ERBB4: variants seen among roughly 807,000 people sequenced by gnomAD.
ERBB4 encodes the protein erb-b2 receptor tyrosine kinase 4, also known as receptor tyrosine-protein kinase erbB-4.
Under a neutral mutation model 158.0 loss-of-function variants are expected in ERBB4, and 42 were observed. The ratio of observed to expected loss-of-function variants is 0.27; its 90% CI spans 0.21 to 0.34. The LOEUF is 0.34. Ranked by LOEUF, ERBB4 falls within the 10% of genes least tolerant of loss-of-function variation. The pLI, the probability that ERBB4 is intolerant of heterozygous loss-of-function variation, is 1.00. For synonymous variants in ERBB4, 583 were observed against 558.7 expected (o/e 1.04, Z -0.61); for missense variants, 1,333 against 1,624.1 (o/e 0.82, Z 3.08).
chr2:211,688,577 T>C (rs950776294), intron 12 of ERBB4, among the ~76,000 whole-genome samples: 20 of 152,180 alleles, frequency 1.3e-4, no homozygotes, highest in Non-Finnish European at 8.8e-5. Flanking sequence ...TGAGGCAGGG[T>C]AAATTCGATC....
chr2:211,413,613 T>C (rs1215643551), intron 25 of ERBB4, among the ~76,000 whole-genome samples: 1 of 152,068 alleles, frequency 6.6e-6, no homozygotes. Context: ...ATCACAAAAT[T>C]CTCGCACTAT....
At chr2:211,408,959 G>C (rs991758857) in intron 25 of ERBB4, among the ~76,000 whole-genome samples, 4 of 152,172 alleles carry the variant, frequency 2.6e-5, no homozygotes, top group Admixed American at 6.5e-5. Flanking sequence ...AGGATGTAAA[G>C]GGGACAGGAT....
chr2:212,334,130 T>C (rs2088316253), intron 1 of ERBB4, among the ~76,000 whole-genome samples: 1 of 152,022 alleles, frequency 6.6e-6, no homozygotes, highest in East Asian at 1.9e-4. Context: ...CTTTTTGAGG[T>C]TCTCTAAGTG....
intron 1 of ERBB4, among the ~76,000 whole-genome samples, chr2:212,473,171 C>T (rs978845084): frequency 1.3e-5 from 2 of 151,782 alleles, no homozygotes; most frequent in South Asian, 2.1e-4. Flanking sequence ...ATTAACATTG[C>T]TAATTAATTT....
intron 1 of ERBB4, among the ~76,000 whole-genome samples, chr2:212,368,423 AG>A (rs1384399721): frequency 6.6e-6 from 1 of 152,102 alleles, no homozygotes; most frequent in South Asian, 2.1e-4. Flanking sequence ...TGGGGATTTG[AG>A]GGGAAGAGTG....
At chr2:211,806,947 C>G (rs759737432) in intron 3 of ERBB4, among the ~76,000 whole-genome samples, 3 of 151,918 alleles carry the variant, frequency 2.0e-5, no homozygotes, top group African/African-American at 4.8e-5. Flanking sequence ...AAGATAGTAT[C>G]TTTAAACAAT....
At chr2:211,503,399 C>T (rs915815342) in intron 20 of ERBB4, among the ~76,000 whole-genome samples, 2 of 152,130 alleles carry the variant, frequency 1.3e-5, no homozygotes, top group Non-Finnish European at 2.9e-5. Context: ...AGCATCTGAA[C>T]CACATGTCCC....
chr2:212,504,516 G>A (rs142967447), intron 1 of ERBB4, among the ~76,000 whole-genome samples: 23 of 151,830 alleles, frequency 1.5e-4, no homozygotes, highest in Admixed American at 9.8e-4. Context: ...AAAAATTTTC[G>A]TTAATCTCAA....
chr2:212,275,650 C>T (rs897882510), intron 1 of ERBB4, among the ~76,000 whole-genome samples: 9 of 151,742 alleles, frequency 5.9e-5, no homozygotes, highest in African/African-American at 1.9e-4. Context: ...TACCACCAGG[C>T]CTGCCTTACA....
rs1289996195 is a variant in ERBB4, at chr2:211,679,184, G to C, written c.1490C>G (p.Thr497Ser). ...ATGGTTGCACACCATTCCTTCAGCAGCTGTGAAACACCAAAATCAAGGGGA... is the reference window on the plus strand; with the variant it reads ...ATGGTTGCACACCATTCCTTCAGCACCTGTGAAACACCAAAATCAAGGGGA... Reference protein sequence around the residue: ...IRDNRKAENCTAEGMVCNHLC... With the variant: ...IRDNRKAENCSAEGMVCNHLC... Residue 497 changes from threonine (T) to serine (S), a missense_variant and splice_region_variant, in exon 13 of 28, where the codon ACT becomes AGT. This residue lies in a region of ERBB4 where 245 missense variants were observed against 247.5 expected (regional missense o/e 0.99). Transcript: ENST00000342788. 6.2e-7 allele frequency: 1 copy of C among 1,613,502 alleles called. No individual in the cohort carries two copies. The highest frequency in any genetic ancestry group is 2.2e-5 in the East Asian group (1 of 44,852).
chr2:212,361,618 G>C (rs1323947886), intron 1 of ERBB4, among the ~76,000 whole-genome samples: 3 of 151,798 alleles, frequency 2.0e-5, no homozygotes, highest in South Asian at 2.1e-4. Context: ...TGCATGGTTA[G>C]AAGAAAGCTT....
chr2:211,741,452 TACACAC>T lies in ERBB4; in HGVS notation c.622+9181_622+9186del, dbSNP rs5838279. 2.1e-3 allele frequency among the ~76,000 whole-genome samples: 296 copies of T among 143,294 alleles called. 3 individuals are homozygous for T. The highest frequency in any genetic ancestry group is 6.9e-3 in the African/African-American group (264 of 38,164). The allele number at this position is 143,294 out of a possible 152,430, so 94.0% of individuals were successfully genotyped here. On this transcript the variant is annotated intron_variant, in intron 5 of 27. Transcript: ENST00000342788. ...TAATCTATAACTATATATGTAGTTATACACACACACACACACACACACACACACACT... is the reference window on the plus strand; with the variant it reads ...TAATCTATAACTATATATGTAGTTATACACACACACACACACACACACACT...
chr2:211,831,386 G>T (rs1243457753), intron 3 of ERBB4, among the ~76,000 whole-genome samples: 1 of 152,040 alleles, frequency 6.6e-6, no homozygotes, highest in African/African-American at 2.4e-5. Flanking sequence ...GCTTTTCAGG[G>T]TCTTGTTAAA....
intron 3 of ERBB4, among the ~76,000 whole-genome samples, chr2:211,941,906 T>C (rs181651368): frequency 7.6e-4 from 115 of 152,168 alleles, no homozygotes; most frequent in African/African-American, 2.7e-3. Context: ...GAAAGATGCT[T>C]TAATTGACAA....
chr2:212,218,708 AC>A (rs1366278416), intron 1 of ERBB4, among the ~76,000 whole-genome samples: 1 of 151,382 alleles, frequency 6.6e-6, no homozygotes, highest in Admixed American at 6.6e-5. Context: ...GGTTGACTGC[AC>A]AACCTCACAG....
rs531692282 is a variant in ERBB4 at position 211,833,949 on chromosome 2, G to A, written c.422-45790C>T. Among the ~76,000 whole-genome samples the A allele has an allele frequency of 2.0e-5, 3 of 152,162 alleles. No individual in the cohort carries two copies. The East Asian group carries it at 5.8e-4, about 30-fold the overall frequency. On this transcript the variant is annotated intron_variant, in intron 3 of 27. Coordinates refer to ENST00000342788, the MANE Select transcript of ERBB4 (RefSeq NM_005235.3). ...GTATGTGACTGTACCCCAGTTCACT[G>A]GATGCCACCCCTAGGTGCATATTCA...
At chr2:212,140,846 A>AGTGTGTGTGTGTGTGT (rs35461019) in intron 1 of ERBB4, among the ~76,000 whole-genome samples, 9 of 131,664 alleles carry the variant, frequency 6.8e-5, no homozygotes, top group Non-Finnish European at 1.0e-4. Context: ...AGGAAACATG[A>AGTGTGTGTGTGTGTGT]GTGTGTGTGT....
intron 20 of ERBB4, among the ~76,000 whole-genome samples, chr2:211,450,447 A>T (rs2064216806): frequency 6.6e-6 from 1 of 152,204 alleles, no homozygotes; most frequent in Non-Finnish European, 1.5e-5. Flanking sequence ...TGAAAATGAG[A>T]GTTAAGGGGT....
chr2:212,259,479 A>T (rs956196183), intron 1 of ERBB4, among the ~76,000 whole-genome samples: 3 of 152,184 alleles, frequency 2.0e-5, no homozygotes, highest in African/African-American at 7.2e-5. Context: ...GAATACATTT[A>T]TTGGTAAGAA....
Sources: gnomAD v4.1 joint callset for allele counts (sites outside exome capture counted in the v4.1 genomes callset) on GRCh38, gnomAD v4.1.1 for gene constraint, gnomAD v4.1.1 regional missense constraint, MANE v1.5 for transcripts, NCBI Gene and HGNC (gene_info 2026-07-23, HGNC 2026-07-21) for gene names.